ZC3H12B: variants seen among roughly 807,000 people sequenced by gnomAD.
ZC3H12B encodes probable ribonuclease ZC3H12B.
ZC3H12B carries 7 observed loss-of-function variants against 43.9 expected under a neutral mutation model. That is an observed-to-expected ratio of 0.16 (90% CI 0.09 to 0.30). ZC3H12B has a LOEUF of 0.30. ZC3H12B is among the 10% of genes least tolerant of loss of function. The pLI is 1.00. For missense variants in ZC3H12B, 475 were observed against 670.2 expected, an observed-to-expected ratio of 0.71 and a Z score of 3.22; for synonymous variants, 222 against 241.7, an observed-to-expected ratio of 0.92 and a Z score of 0.76.
the ZC3H12B span, among the ~76,000 whole-genome samples, chrX:65,075,703 C>G: frequency 8.9e-6 from 1 of 111,743 alleles, no homozygotes; most frequent in South Asian, 3.8e-4. Context: ...AACTTTTGCC[C>G]TTGTTCTCAG....
chrX:65,157,990 T>A, the ZC3H12B span, among the ~76,000 whole-genome samples: 1 of 97,253 alleles, frequency 1.0e-5, no homozygotes, highest in Non-Finnish European at 2.1e-5. Context: ...TTCTCATTGT[T>A]CAATTCCCAC....
At chrX:65,459,289 A>T (rs2067692087) in intron 3 of ZC3H12B, among the ~76,000 whole-genome samples, 1 of 111,873 alleles carries the variant, frequency 8.9e-6, no homozygotes, top group Admixed American at 9.5e-5. Flanking sequence ...AAAGGAGGAG[A>T]TGGTACCATT....
At chrX:65,195,095 C>CT in the ZC3H12B span, among the ~76,000 whole-genome samples, 1,596 of 87,460 alleles carry the variant, frequency 0.018, 17 homozygotes, top group Middle Eastern at 0.071. Context: ...ATCATTGGGT[C>CT]TTTTTTTTTT....
At chrX:65,392,481 T>A (rs1231401096) in intron 2 of ZC3H12B, among the ~76,000 whole-genome samples, 7 of 913 alleles carry the variant, frequency 7.7e-3, no homozygotes, top group African/African-American at 0.023. Flanking sequence ...GTGAGGAGTG[T>A]CTCCAACCGG....
the ZC3H12B span, among the ~76,000 whole-genome samples, chrX:65,259,300 ACAAG>A: frequency 1.8e-5 from 2 of 112,183 alleles, no homozygotes; most frequent in Admixed American, 1.9e-4. Context: ...GCCAATGAAA[ACAAG>A]CAATGAGGAA....
At chrX:65,483,058 T>C (rs1032411528) in intron 3 of ZC3H12B, among the ~76,000 whole-genome samples, 1 of 112,089 alleles carries the variant, frequency 8.9e-6, no homozygotes. Flanking sequence ...GCTCAGTTGT[T>C]TTTAGCTCTG....
the ZC3H12B span, among the ~76,000 whole-genome samples, chrX:65,152,903 G>C: frequency 9.0e-6 from 1 of 111,529 alleles, no homozygotes; most frequent in South Asian, 3.7e-4. Flanking sequence ...AAATGGAACA[G>C]AACAGAGCCC....
At chrX:65,227,595 C>G in the ZC3H12B span, among the ~76,000 whole-genome samples, 1 of 111,363 alleles carries the variant, frequency 9.0e-6, no homozygotes, top group African/African-American at 3.3e-5. Context: ...AATCCAGTAG[C>G]TGGTTTTTTG....
chrX:65,148,232 C>A, the ZC3H12B span, among the ~76,000 whole-genome samples: 15 of 110,412 alleles, frequency 1.4e-4, no homozygotes, highest in African/African-American at 4.9e-4. Context: ...TGTCGGCTGA[C>A]CTGGCTCTTT....
chrX:65,172,790 G>A, the ZC3H12B span, among the ~76,000 whole-genome samples: 1 of 111,880 alleles, frequency 8.9e-6, no homozygotes, highest in East Asian at 2.8e-4. Context: ...CTATATAATT[G>A]TTTTGGTACG....
exon 5 of ZC3H12B, chrX:65,503,423 A>C: frequency 2.8e-6 from 1 of 352,293 alleles, no homozygotes; most frequent in Non-Finnish European, 4.8e-6. Flanking sequence ...GTGGCTAGCC[A>C]GGGTCACACT....
At chrX:65,190,029 C>T in the ZC3H12B span, among the ~76,000 whole-genome samples, 8 of 111,306 alleles carry the variant, frequency 7.2e-5, no homozygotes, top group South Asian at 3.7e-4. Flanking sequence ...TATCCAGTTT[C>T]CCCAGCACCA....
intron 2 of ZC3H12B, among the ~76,000 whole-genome samples, chrX:65,373,314 A>G (rs2066273245): frequency 8.9e-6 from 1 of 112,121 alleles, no homozygotes; most frequent in Admixed American, 9.4e-5. Flanking sequence ...TAGTTCAACC[A>G]TTGTGGAAGA....
the ZC3H12B span, among the ~76,000 whole-genome samples, chrX:65,092,902 G>A: frequency 0.24 from 26,775 of 111,281 alleles, 7,706 homozygotes; most frequent in African/African-American, 0.83. Flanking sequence ...TAACCAAGAC[G>A]GTGGGAAAAA....
chrX:65,475,365 G>A (rs1340022883), intron 3 of ZC3H12B, among the ~76,000 whole-genome samples: 1 of 109,892 alleles, frequency 9.1e-6, no homozygotes, highest in African/African-American at 3.3e-5. Flanking sequence ...CTCAGTTTTT[G>A]TTTGTCTGGG....
the ZC3H12B span, among the ~76,000 whole-genome samples, chrX:65,297,021 GACAA>G: frequency 9.0e-6 from 1 of 111,548 alleles, no homozygotes; most frequent in South Asian, 3.8e-4. Flanking sequence ...AGCCATCTAT[GACAA>G]ACAAAGAGCC....
At chrX:65,125,784 A>T in the ZC3H12B span, among the ~76,000 whole-genome samples, 2 of 110,997 alleles carry the variant, frequency 1.8e-5, no homozygotes, top group Non-Finnish European at 3.8e-5. Context: ...ATAAGAATAG[A>T]TACTCCTGCT....
chrX:65,396,220 C>T (rs1469943272), intron 2 of ZC3H12B, among the ~76,000 whole-genome samples: 1 of 111,575 alleles, frequency 9.0e-6, no homozygotes, highest in African/African-American at 3.3e-5. Flanking sequence ...TTGTCTTCTG[C>T]TAGCTTTTGA....
At chrX:65,432,554 C>T (rs1056832937) in intron 3 of ZC3H12B, among the ~76,000 whole-genome samples, 1 of 111,818 alleles carries the variant, frequency 8.9e-6, no homozygotes, top group Non-Finnish European at 1.9e-5. Context: ...AGAACCTTCT[C>T]CTGTTCTGGG....
Sources: allele counts gnomAD v4.1 joint callset (sites outside exome capture counted in the v4.1 genomes callset), GRCh38; gene constraint gnomAD v4.1.1; transcripts MANE v1.5; gene names NCBI Gene and HGNC (gene_info 2026-07-23, HGNC 2026-07-21).